Variants in CEP170 observed in about 807,000 individuals in gnomAD.
The protein encoded by CEP170 is centrosomal protein of 170 kDa.
A neutral mutation model predicts 151.9 loss-of-function variants in CEP170; 21 were observed. The ratio of observed to expected loss-of-function variants is 0.14; its 90% CI spans 0.10 to 0.20. CEP170 has a LOEUF of 0.20. Ranked by LOEUF, CEP170 falls within the 10% of genes least tolerant of loss-of-function variation. The pLI is 1.00. For missense variants in CEP170, 964 were observed against 1,892.9 expected (o/e 0.51, Z 9.11); for synonymous variants, 356 against 648.8 (o/e 0.55, Z 6.86).
chr1:243,209,494 G>T (rs147403237), intron 4 of CEP170, among the ~76,000 whole-genome samples: 286 of 152,216 alleles, frequency 1.9e-3, no homozygotes, highest in Non-Finnish European at 3.6e-3. Context: ...GCCTGCTGTA[G>T]CTTTTTAATC....
At chr1:243,204,325 A>G (rs1284157891) in intron 4 of CEP170, among the ~76,000 whole-genome samples, 5 of 152,148 alleles carry the variant, frequency 3.3e-5, no homozygotes, top group Non-Finnish European at 7.4e-5. Context: ...GGAAGTACAG[A>G]TTAATTATAG....
chr1:243,224,355 T>C (rs886261232), intron 2 of CEP170, among the ~76,000 whole-genome samples: 2 of 151,876 alleles, frequency 1.3e-5, no homozygotes, highest in Non-Finnish European at 2.9e-5. Flanking sequence ...TGTCCTTTTA[T>C]AGCAAGGGTG....
chr1:243,206,975 T>C (rs2061463821), intron 4 of CEP170, among the ~76,000 whole-genome samples: 1 of 152,092 alleles, frequency 6.6e-6, no homozygotes, highest in African/African-American at 2.4e-5. Context: ...ATAAAAACTA[T>C]TCAGATAACT....
At chr1:243,231,048 T>G (rs2063697053) in intron 1 of CEP170, among the ~76,000 whole-genome samples, 1 of 151,540 alleles carries the variant, frequency 6.6e-6, no homozygotes, top group South Asian at 2.1e-4. Context: ...AGATTTCTTC[T>G]CAGAAACTAT....
chr1:243,191,210 G>A lies in CEP170; in HGVS notation c.916C>T (p.Arg306Cys), dbSNP rs2148764907. Residue 306 changes from arginine (R) to cysteine (C), a missense_variant, in exon 8 of 20, where the codon CGC (arginine) becomes TGC (cysteine). Physicochemically the swap from Arg to Cys is radical, Grantham distance 180. Coordinates refer to ENST00000366542, the MANE Select transcript of CEP170 (RefSeq NM_014812.3). Reference protein sequence around the residue: ...DHVTKFTSDQRHKSKKSSPGT... With the variant: ...DHVTKFTSDQCHKSKKSSPGT... ...GGAGAAGACTTCTTGGACTTGTGGC[G>A]CTGATCAGAAGTAAACTTTGTCACA... 4 of 1,610,118 alleles carry A rather than the reference G, an allele frequency of 2.5e-6. No individual in the cohort carries two copies. In the East Asian group the frequency reaches 6.7e-5, roughly 27 times the overall value.
intron 1 of CEP170, 32 bp from the exon 2 acceptor site, chr1:243,225,353 C>G (rs2063142460): frequency 5.5e-6 from 5 of 903,896 alleles, no homozygotes; most frequent in Non-Finnish European, 8.1e-6. Context: ...AATATACGTT[C>G]AGATATTTTT....
chr1:243,183,428 C>T (rs1466215652), intron 10 of CEP170, among the ~76,000 whole-genome samples: 1 of 152,086 alleles, frequency 6.6e-6, no homozygotes, highest in Non-Finnish European at 1.5e-5. Flanking sequence ...TGATATGATG[C>T]CTGTATCTAC....
At position 243,215,709 on chromosome 1, in the gene CEP170, G is replaced by A. The variant is rs933148829; in HGVS notation, c.196-3745C>T. On this transcript the variant is annotated intron_variant, in intron 3 of 19. Coordinates refer to ENST00000366542, the MANE Select transcript of CEP170 (RefSeq NM_014812.3). ...AATTTCACCTGGGTCCTGTGATCTC[G>A]CCCTGCCTCCATTTGCCTTGTGATA... Among the ~76,000 whole-genome samples the A allele has an allele frequency of 7.9e-5, 12 of 152,090 alleles. 1 individual carries two copies. The highest frequency in any genetic ancestry group is 4.2e-4 in the South Asian group (2 of 4,812).
intron 3 of CEP170, among the ~76,000 whole-genome samples, chr1:243,215,301 AG>A (rs1477159036): frequency 6.6e-6 from 1 of 152,224 alleles, no homozygotes; most frequent in Non-Finnish European, 1.5e-5. Context: ...AGCGATGTTC[AG>A]GGAACAAGGG....
intron 12 of CEP170, chr1:243,168,137 G>A (rs1161715133): frequency 3.3e-5 from 5 of 151,624 alleles, no homozygotes; most frequent in Non-Finnish European, 5.9e-5. Context: ...CAGTTTATAC[G>A]AACCAAATGA....
chr1:243,197,708 G>A (rs2060749816), intron 7 of CEP170, among the ~76,000 whole-genome samples: 1 of 152,108 alleles, frequency 6.6e-6, no homozygotes, highest in African/African-American at 2.4e-5. Context: ...AAGCTAGCTA[G>A]CTGATGACGA....
At position 243,126,250 on chromosome 1, in the gene CEP170, C is replaced by T. The variant is rs1248604563; in HGVS notation, c.*199G>A. The T allele has an allele frequency of 3.0e-5, 21 of 694,316 alleles. No individual in the cohort carries two copies. In the Admixed American group the frequency reaches 4.3e-4, roughly 14 times the overall value. 43.0% of individuals were successfully genotyped at this position (694,316 alleles called of 1,614,324 possible). The stretch of plus-strand genomic sequence containing the variant: ...CACAATCTGCTTTTTCCTATTTGTG[C>T]ATCAAGTGGTTATCTAAATAGTTTG... On this transcript the variant is annotated 3_prime_UTR_variant, in exon 20 of 20. Coordinates refer to ENST00000366542, the MANE Select transcript of CEP170 (RefSeq NM_014812.3).
intron 15 of CEP170, among the ~76,000 whole-genome samples, chr1:243,141,538 C>T (rs1198052171): frequency 2.6e-5 from 4 of 152,154 alleles, no homozygotes; most frequent in African/African-American, 7.2e-5. Flanking sequence ...GGCCAGTTTG[C>T]CAACCTCCAA....
intron 16 of CEP170, among the ~76,000 whole-genome samples, chr1:243,137,528 G>C (rs1407679587): frequency 6.6e-6 from 1 of 152,156 alleles, no homozygotes; most frequent in Non-Finnish European, 1.5e-5. Context: ...TGTAATCCCA[G>C]CACTTTGGGA....
chr1:243,231,249 T>C (rs7531823), intron 1 of CEP170, among the ~76,000 whole-genome samples: 8,003 of 151,662 alleles, frequency 0.053, 453 homozygotes, highest in African/African-American at 0.15. Flanking sequence ...ATTAAGATAT[T>C]TCTAGTTAAA....
intron 14 of CEP170, among the ~76,000 whole-genome samples, chr1:243,146,152 G>A (rs980975064): frequency 1.3e-5 from 2 of 152,204 alleles, no homozygotes; most frequent in Admixed American, 1.3e-4. Context: ...AGAATGATAT[G>A]AATTAGCTTT....
chr1:243,234,616 A>G (rs969425117), intron 1 of CEP170, among the ~76,000 whole-genome samples: 1 of 152,204 alleles, frequency 6.6e-6, no homozygotes, highest in Admixed American at 6.5e-5. Flanking sequence ...TCTAAAAGAT[A>G]CAATTTTAAA....
chr1:243,178,255 G>A (rs1478106770), intron 10 of CEP170, among the ~76,000 whole-genome samples: 2 of 132,572 alleles, frequency 1.5e-5, no homozygotes, highest in Non-Finnish European at 3.1e-5. Context: ...CATAACGTGA[G>A]CCGAGATCAC....
At chr1:243,227,431 GAC>G (rs2149034612) in intron 1 of CEP170, among the ~76,000 whole-genome samples, 1 of 152,226 alleles carries the variant, frequency 6.6e-6, no homozygotes, top group African/African-American at 2.4e-5. Flanking sequence ...CTCACATAAG[GAC>G]ACAATTTCTC....
Sources: allele counts gnomAD v4.1 joint callset (sites outside exome capture counted in the v4.1 genomes callset), GRCh38; gene constraint gnomAD v4.1.1; transcripts MANE v1.5; gene names NCBI Gene and HGNC (gene_info 2026-07-23, HGNC 2026-07-21).